Variants in STPG2 observed in about 807,000 individuals in gnomAD.
The protein encoded by STPG2 is sperm-tail PG-rich repeat-containing protein 2.
STPG2 carries 56 observed loss-of-function variants against 54.2 expected under a neutral mutation model. That is an observed-to-expected ratio of 1.03 (90% CI 0.83 to 1.29). The LOEUF is 1.29. Among genes scored for constraint, STPG2 ranks in the 50% most tolerant of loss-of-function variants. The pLI is 0.00. For missense variants in STPG2, 596 were observed against 544.9 expected, an observed-to-expected ratio of 1.09 and a Z score of -0.93; for synonymous variants, 200 against 181.8, an observed-to-expected ratio of 1.10 and a Z score of -0.81.
chr4:97,584,766 G>A (rs1467173186), intron 10 of STPG2, among the ~76,000 whole-genome samples: 1 of 151,606 alleles, frequency 6.6e-6, no homozygotes, highest in Non-Finnish European at 1.5e-5. Flanking sequence ...ATCTAGAGGA[G>A]ATGGAAAAAA....
intron 10 of STPG2, among the ~76,000 whole-genome samples, chr4:97,636,645 A>C (rs1462868280): frequency 6.6e-6 from 1 of 151,966 alleles, no homozygotes; most frequent in Non-Finnish European, 1.5e-5. Flanking sequence ...TGCAATAAAA[A>C]ATGATAAAGG....
At chr4:97,564,668 T>G (rs1318997594) in intron 10 of STPG2, among the ~76,000 whole-genome samples, 5 of 152,232 alleles carry the variant, frequency 3.3e-5, no homozygotes, top group Admixed American at 2.0e-4. Flanking sequence ...GTCTGTAAAG[T>G]ATTTTATTTC....
chr4:97,499,043 G>A (rs1019551019), intron 4 of STPG2, among the ~76,000 whole-genome samples: 1 of 151,940 alleles, frequency 6.6e-6, no homozygotes, highest in African/African-American at 2.4e-5. Context: ...GTAGTTTTTA[G>A]TGAACCTAAC....
intron 9 of STPG2, among the ~76,000 whole-genome samples, chr4:97,748,136 G>A (rs973727302): frequency 6.6e-6 from 1 of 151,404 alleles, no homozygotes; most frequent in African/African-American, 2.4e-5. Context: ...ATCCTCTGAG[G>A]TTGACAGATC....
At chr4:97,686,868 G>GA in intron 10 of STPG2, among the ~76,000 whole-genome samples, 1 of 151,024 alleles carries the variant, frequency 6.6e-6, no homozygotes, top group East Asian at 1.9e-4. Flanking sequence ...TTTCCCAAGC[G>GA]TAAATTTTCA....
intron 9 of STPG2, among the ~76,000 whole-genome samples, chr4:97,768,449 G>C (rs529122261): frequency 6.6e-6 from 1 of 152,266 alleles, no homozygotes; most frequent in East Asian, 1.9e-4. Context: ...TGGGCAAAGG[G>C]AACAGGAATT....
intron 4 of STPG2, among the ~76,000 whole-genome samples, chr4:97,520,447 A>G (rs1731158042): frequency 6.6e-6 from 1 of 152,104 alleles, no homozygotes. Context: ...CTGTATGATT[A>G]AGTGAACAAG....
intron 8 of STPG2, among the ~76,000 whole-genome samples, chr4:97,845,724 G>A (rs1238004664): frequency 1.3e-5 from 2 of 152,218 alleles, no homozygotes; most frequent in Middle Eastern, 3.4e-3. Flanking sequence ...TTAAATTTCA[G>A]AAATAGTAAA....
chr4:98,077,695 C>T (rs1738216376), intron 5 of STPG2, among the ~76,000 whole-genome samples: 1 of 152,100 alleles, frequency 6.6e-6, no homozygotes, highest in South Asian at 2.1e-4. Context: ...GATAAAAATG[C>T]TAAAAATGTA....
intron 2 of STPG2, among the ~76,000 whole-genome samples, chr4:98,129,378 A>G (rs1267328209): frequency 1.3e-5 from 2 of 152,144 alleles, no homozygotes; most frequent in Non-Finnish European, 2.9e-5. Context: ...AGTCTTGTAT[A>G]AATGTCCTAA....
chr4:98,072,599 A>AAAATG (rs1738038831), intron 5 of STPG2, among the ~76,000 whole-genome samples: 2 of 148,614 alleles, frequency 1.3e-5, no homozygotes, highest in Non-Finnish European at 3.0e-5. Context: ...AAAATAAAAT[A>AAAATG]AAATAAAATA....
chr4:97,916,651 TG>T lies in STPG2; in HGVS notation c.1044+27245del, dbSNP rs372185955. On this transcript the variant is annotated intron_variant, in intron 8 of 10. Transcript: ENST00000295268. ...AATCCTGCCCTCCCATGCCAGGCTG[TG>T]GAGAGCCTCCAGGAAGACGTCTCCT... The T allele has an allele frequency of 2.5e-4, 38 of 152,956 alleles. No homozygotes were observed. The East Asian group carries it at 5.8e-3, about 23-fold the overall frequency. 9.5% of individuals were successfully genotyped at this position (152,956 alleles called of 1,614,324 possible). A position where few individuals can be genotyped will look rare whatever the true frequency, so the allele number is the denominator to read the frequency against.
At chr4:97,610,900 C>G (rs1329379178) in intron 10 of STPG2, among the ~76,000 whole-genome samples, 3 of 151,898 alleles carry the variant, frequency 2.0e-5, no homozygotes, top group Non-Finnish European at 4.4e-5. Flanking sequence ...TATTGAGTAA[C>G]TGGAACTACA....
chr4:98,118,531 T>C (rs1296477633), intron 3 of STPG2, among the ~76,000 whole-genome samples: 2 of 152,108 alleles, frequency 1.3e-5, no homozygotes, highest in Admixed American at 6.6e-5. Context: ...ATTGGAGGTA[T>C]ATGTATAAAC....
At chr4:97,635,243 C>T (rs375690307) in intron 10 of STPG2, among the ~76,000 whole-genome samples, 1 of 152,094 alleles carries the variant, frequency 6.6e-6, no homozygotes, top group Non-Finnish European at 1.5e-5. Flanking sequence ...CCAAACTAAG[C>T]TTCATAAGTG....
intron 10 of STPG2, among the ~76,000 whole-genome samples, chr4:97,662,924 G>A (rs951752487): frequency 4.6e-5 from 7 of 151,904 alleles, no homozygotes; most frequent in Admixed American, 2.0e-4. Flanking sequence ...CATGTACCCC[G>A]AATATAAAAG....
At chr4:97,503,705 T>A (rs1157081132) in intron 4 of STPG2, among the ~76,000 whole-genome samples, 1 of 150,632 alleles carries the variant, frequency 6.6e-6, no homozygotes, top group Admixed American at 6.6e-5. Context: ...AATAAGCTAA[T>A]CCACTACATG....
intron 5 of STPG2, among the ~76,000 whole-genome samples, chr4:98,091,748 CTG>C (rs1476273121): frequency 6.6e-6 from 1 of 151,938 alleles, no homozygotes; most frequent in African/African-American, 2.4e-5. Flanking sequence ...ATGTCAGACA[CTG>C]TGTTAAGCAT....
chr4:97,659,821 A>G (rs1010394965), intron 10 of STPG2, among the ~76,000 whole-genome samples: 9 of 152,190 alleles, frequency 5.9e-5, no homozygotes, highest in African/African-American at 2.2e-4. Flanking sequence ...TGGTGGACAC[A>G]TATTTTAAAA....
Sources: gnomAD v4.1 joint callset for allele counts (sites outside exome capture counted in the v4.1 genomes callset) on GRCh38, gnomAD v4.1.1 for gene constraint, MANE v1.5 for transcripts, NCBI Gene and HGNC (gene_info 2026-07-23, HGNC 2026-07-21) for gene names.